The following DGAT2L6 variants were observed in gnomAD, a reference collection of about 807,000 sequenced individuals.
DGAT2L6 encodes diacylglycerol O-acyltransferase 2-like protein 6.
DGAT2L6 carries 22 observed loss-of-function variants against 25.5 expected under a neutral mutation model. The ratio of observed to expected loss-of-function variants is 0.86; its 90% confidence interval spans 0.62 to 1.23. The LOEUF is 1.23. Ranked by LOEUF, DGAT2L6 falls within the 50% of genes most tolerant of loss-of-function variation. The pLI, the probability that DGAT2L6 is intolerant of heterozygous loss-of-function variation, is 0.00. For missense variants in DGAT2L6, 287 were observed against 253.2 expected (o/e 1.13, Z -0.91); for synonymous variants, 100 against 94.7 (o/e 1.06, Z -0.32).
At chrX:70,204,265 C>T (rs1322340013) in intron 5 of DGAT2L6, 40 bp from the exon 6 acceptor site, 1 of 1,126,916 alleles carries the variant, frequency 8.9e-7, no homozygotes, top group Non-Finnish European at 1.2e-6. Context: ...TTCCGGGGAT[C>T]TTCCTCAGAG....
At chrX:70,198,980 C>T (rs977834843) in intron 1 of DGAT2L6, among the ~76,000 whole-genome samples, 1 of 112,299 alleles carries the variant, frequency 8.9e-6, no homozygotes, top group Non-Finnish European at 1.9e-5. Flanking sequence ...ATGTGCTCTT[C>T]TTCCCATTCA....
chrX:70,191,022 G>GC (rs1040136180), intron 1 of DGAT2L6, among the ~76,000 whole-genome samples: 16 of 112,075 alleles, frequency 1.4e-4, no homozygotes, highest in African/African-American at 4.5e-4. Context: ...CCTAGCAGAA[G>GC]CCCCCCCATA....
chrX:70,199,140 G>C, intron 1 of DGAT2L6, 131 bp from the exon 2 acceptor site: 1 of 430,893 alleles, frequency 2.3e-6, no homozygotes, highest in Non-Finnish European at 4.0e-6. Flanking sequence ...TTGGGGAAGA[G>C]GGGAGAAGGA....
chrX:70,189,758 C>A (rs1479542957), intron 1 of DGAT2L6, among the ~76,000 whole-genome samples: 1 of 111,882 alleles, frequency 8.9e-6, no homozygotes, highest in Non-Finnish European at 1.9e-5. Context: ...TTCTCAAATA[C>A]AAACATATAT....
In DGAT2L6 at chrX:70,205,055, A is replaced by G. The variant is rs1313191734; in HGVS notation, c.963A>G (p.Gln321=). Residue 321 remains glutamine, a synonymous_variant, in exon 7 of 7, where the codon CAA becomes CAG. Coordinates refer to ENST00000333026, the MANE Select transcript of DGAT2L6 (RefSeq NM_198512.3). ...GTGCCCTGCGCAAGCTCTTTGACCA[A>G]CACAAAGTTGAATATGGCCTCCCTG... ...YISALRKLFD[Q]HKVEYGLPET... The G allele has an allele frequency of 8.3e-7, 1 of 1,205,066 alleles. No individual in the cohort carries two copies. Among genetic ancestry groups the G allele is most frequent in the Non-Finnish European group, 1.1e-6 (1 of 892,864 alleles).
At chrX:70,183,111 T>C (rs369746134) in intron 1 of DGAT2L6, among the ~76,000 whole-genome samples, 1 of 112,545 alleles carries the variant, frequency 8.9e-6, no homozygotes, top group Non-Finnish European at 1.9e-5. Flanking sequence ...ATTACATCCC[T>C]CTCCTGCTCA....
intron 1 of DGAT2L6, among the ~76,000 whole-genome samples, chrX:70,185,254 C>T (rs963440163): frequency 9.0e-6 from 1 of 111,592 alleles, no homozygotes; most frequent in Non-Finnish European, 1.9e-5. Context: ...AGGACCCTTC[C>T]TCTACCAATC....
chrX:70,199,685 A>G, intron 2 of DGAT2L6, 127 bp from the exon 3 acceptor site: 1 of 582,253 alleles, frequency 1.7e-6, no homozygotes, highest in Non-Finnish European at 2.7e-6. Context: ...CAGTACTTAC[A>G]GTTCTGAGGT....
intron 1 of DGAT2L6, among the ~76,000 whole-genome samples, chrX:70,194,968 G>A (rs889779233): frequency 2.3e-4 from 26 of 111,665 alleles, no homozygotes; most frequent in African/African-American, 8.5e-4. Context: ...CAGAATGGAA[G>A]AAAATATTTG....
At chrX:70,185,854 G>GTTT (rs57366005) in intron 1 of DGAT2L6, among the ~76,000 whole-genome samples, 1 of 94,833 alleles carries the variant, frequency 1.1e-5, no homozygotes. Flanking sequence ...AACTACTTTT[G>GTTT]TTTTTTTTTT....
Position 70,177,498 on chromosome X carries a change from T to C in DGAT2L6, c.-85T>C. The C allele has an allele frequency of 4.3e-6, 4 of 919,892 alleles. No individual in the cohort carries two copies. In the African/African-American group the frequency reaches 5.8e-5, roughly 13 times the overall value. 75.8% of individuals were successfully genotyped at this position (919,892 alleles called of 1,213,427 possible). A position where few individuals can be genotyped will look rare whatever the true frequency, so the allele number is the denominator to read the frequency against. ...AATCTTACTCCACAGTAAGAGATTA[T>C]AGCAAAGCATCTATAATCAACTCAG... On this transcript the variant is annotated 5_prime_UTR_variant, in exon 1 of 7. Transcript: ENST00000333026.
At chrX:70,192,593 G>A (rs1006955018) in intron 1 of DGAT2L6, among the ~76,000 whole-genome samples, 4 of 111,655 alleles carry the variant, frequency 3.6e-5, no homozygotes, top group African/African-American at 1.3e-4. Context: ...AAAGTATCTT[G>A]AGGCAAATGA....
chrX:70,183,140 C>T (rs2085349060), intron 1 of DGAT2L6, among the ~76,000 whole-genome samples: 1 of 112,526 alleles, frequency 8.9e-6, no homozygotes, highest in South Asian at 3.7e-4. Context: ...CAGTGGTTTC[C>T]CATTGCCTAA....
intron 1 of DGAT2L6, among the ~76,000 whole-genome samples, chrX:70,185,858 T>A (rs1056043731): frequency 2.9e-5 from 3 of 105,223 alleles, no homozygotes; most frequent in Admixed American, 1.0e-4. Context: ...ACTTTTGTTT[T>A]TTTTTTGTTT....
intron 1 of DGAT2L6, among the ~76,000 whole-genome samples, chrX:70,185,761 C>T (rs1037725964): frequency 9.0e-6 from 1 of 111,400 alleles, no homozygotes; most frequent in Non-Finnish European, 1.9e-5. Context: ...ATTAAATTAC[C>T]TGTCACTCCT....
chrX:70,202,546 T>C (rs1411218409), intron 5 of DGAT2L6, among the ~76,000 whole-genome samples: 1 of 112,034 alleles, frequency 8.9e-6, no homozygotes, highest in African/African-American at 3.3e-5. Flanking sequence ...ATTTAGGATA[T>C]AAAAGTAAAT....
chrX:70,201,162 G>C (rs915040041), intron 4 of DGAT2L6, among the ~76,000 whole-genome samples: 2 of 111,682 alleles, frequency 1.8e-5, no homozygotes, highest in African/African-American at 6.5e-5. Context: ...GGGCCAGGTG[G>C]GACCACTAGA....
At position 70,190,397 on chromosome X, in the gene DGAT2L6, G is replaced by A. The variant is rs1163286744; in HGVS notation, c.86-8874G>A. Among the ~76,000 whole-genome samples, 4 of 109,656 alleles carry A rather than the reference G, an allele frequency of 3.6e-5. 1 individual carries two copies. Among genetic ancestry groups the A allele is most frequent in the African/African-American group, 3.3e-5 (1 of 30,568 alleles). ...ACCTTTGTGGGAATTTTGGACCCAG[G>A]TAGGATGTTGCAAAACTCTAGTAGA... On this transcript the variant is annotated intron_variant, in intron 1 of 6. Transcript: ENST00000333026.
At chrX:70,199,576 T>C (rs1049555013) in intron 2 of DGAT2L6, among the ~76,000 whole-genome samples, 195 bp downstream of exon 2, 1 of 111,825 alleles carries the variant, frequency 8.9e-6, no homozygotes, top group Non-Finnish European at 1.9e-5. Context: ...TTGAGGTCTC[T>C]GGGCAGGTGC....
Sources: gnomAD v4.1 joint callset for allele counts (sites outside exome capture counted in the v4.1 genomes callset) on GRCh38, gnomAD v4.1.1 for gene constraint, MANE v1.5 for transcripts, NCBI Gene and HGNC (gene_info 2026-07-23, HGNC 2026-07-21) for gene names.